The following TRPC5 variants were observed in gnomAD, a reference collection of about 807,000 sequenced individuals.
The protein encoded by TRPC5 is transient receptor potential cation channel subfamily C member 5.
A neutral mutation model predicts 56.5 loss-of-function variants in TRPC5; 9 were observed. The observed-to-expected ratio is 0.16, with a 90% confidence interval of 0.10 to 0.28. The LOEUF (loss-of-function observed/expected upper bound fraction) is 0.28. TRPC5 is among the 10% of genes least tolerant of loss of function. The pLI, the probability that TRPC5 is intolerant of heterozygous loss-of-function variation, is 1.00. For missense variants in TRPC5, 469 were observed against 748.9 expected (o/e 0.63, Z 4.36); for synonymous variants, 282 against 278.5 (o/e 1.01, Z -0.13).
At chrX:111,844,184 G>T (rs915145927) in intron 6 of TRPC5, among the ~76,000 whole-genome samples, 2 of 110,555 alleles carry the variant, frequency 1.8e-5, no homozygotes, top group African/African-American at 6.6e-5. Flanking sequence ...TATTTGAGGG[G>T]CCTGTGAAAC....
chrX:111,953,914 C>A (rs1603115461), intron 1 of TRPC5, among the ~76,000 whole-genome samples: 1 of 111,598 alleles, frequency 9.0e-6, no homozygotes, highest in African/African-American at 3.3e-5. Context: ...GCCCAAATGA[C>A]AAATTTCTCT....
chrX:111,919,753 C>T (rs1306587134), intron 2 of TRPC5, among the ~76,000 whole-genome samples: 1 of 111,544 alleles, frequency 9.0e-6, no homozygotes, highest in Non-Finnish European at 1.9e-5. Context: ...AGAAGAATTG[C>T]CTTGGGCCAC....
At chrX:111,925,262 C>T (rs939338891) in intron 2 of TRPC5, among the ~76,000 whole-genome samples, 4 of 112,365 alleles carry the variant, frequency 3.6e-5, no homozygotes, top group African/African-American at 1.3e-4. Context: ...ACTGGCTCAG[C>T]TCCATGGGCC....
chrX:111,813,939 TTCTTC>T (rs1340483262), intron 7 of TRPC5, among the ~76,000 whole-genome samples: 1 of 112,161 alleles, frequency 8.9e-6, no homozygotes, highest in Non-Finnish European at 1.9e-5. Flanking sequence ...TTGGATTGCT[TTCTTC>T]TCTTGGTAGA....
At chrX:111,919,356 G>A (rs776842582) in intron 2 of TRPC5, among the ~76,000 whole-genome samples, 88 of 111,838 alleles carry the variant, frequency 7.9e-4, no homozygotes, top group African/African-American at 2.5e-3. Context: ...CAACCCGCTC[G>A]GGTCCCCTTC....
chrX:111,885,199 C>T (rs745625544), intron 3 of TRPC5, among the ~76,000 whole-genome samples: 186 of 112,852 alleles, frequency 1.6e-3, no homozygotes, highest in African/African-American at 5.6e-3. Flanking sequence ...ATTGCCAGGA[C>T]CTAAGTCTAG....
intron 2 of TRPC5, among the ~76,000 whole-genome samples, chrX:111,931,634 G>T (rs778573986): frequency 6.5e-4 from 73 of 111,932 alleles, no homozygotes; most frequent in Non-Finnish European, 1.2e-3. Flanking sequence ...TGCTGACAAG[G>T]GTAGGCTCAG....
intron 3 of TRPC5, among the ~76,000 whole-genome samples, chrX:111,873,477 C>T (rs763213983): frequency 9.0e-5 from 10 of 111,494 alleles, no homozygotes; most frequent in African/African-American, 3.3e-4. Context: ...CAAACCTACA[C>T]GTGTGCCCTT....
chrX:111,959,497 A>G (rs1029927876), intron 1 of TRPC5, among the ~76,000 whole-genome samples: 3 of 112,102 alleles, frequency 2.7e-5, no homozygotes, highest in African/African-American at 9.7e-5. Context: ...GAAGGAATTG[A>G]AGAACAAAAA....
intron 2 of TRPC5, among the ~76,000 whole-genome samples, chrX:111,939,441 T>A (rs1926705977): frequency 9.0e-6 from 1 of 111,678 alleles, no homozygotes; most frequent in Non-Finnish European, 1.9e-5. Context: ...CTCTCCTCCA[T>A]TTTTCAGAAT....
At chrX:111,839,742 T>A (rs1459754306) in intron 6 of TRPC5, among the ~76,000 whole-genome samples, 1 of 111,094 alleles carries the variant, frequency 9.0e-6, no homozygotes, top group African/African-American at 3.3e-5. Flanking sequence ...TTAGAGAAAA[T>A]ATCTCACTCT....
At chrX:111,986,810 T>G (rs1191285959) in intron 1 of TRPC5, among the ~76,000 whole-genome samples, 2 of 111,699 alleles carry the variant, frequency 1.8e-5, no homozygotes, top group African/African-American at 6.5e-5. Flanking sequence ...TTAACTTTCA[T>G]TGTAATTCAG....
intron 1 of TRPC5, among the ~76,000 whole-genome samples, chrX:112,045,578 A>T (rs2147729947): frequency 8.9e-6 from 1 of 112,268 alleles, no homozygotes; most frequent in East Asian, 2.8e-4. Flanking sequence ...ATAACCAATG[A>T]AAGTTAAAAT....
intron 1 of TRPC5, among the ~76,000 whole-genome samples, chrX:111,995,398 T>G (rs1467313808): frequency 8.9e-6 from 1 of 112,016 alleles, no homozygotes; most frequent in Admixed American, 9.5e-5. Context: ...CACATCGATG[T>G]TCATCAGGTA....
At chrX:112,056,389 T>C (rs1930342490) in intron 1 of TRPC5, among the ~76,000 whole-genome samples, 1 of 112,497 alleles carries the variant, frequency 8.9e-6, no homozygotes, top group South Asian at 3.7e-4. Context: ...TTAAAAGAAA[T>C]GCATTTTAAA....
At chrX:111,865,804 C>G (rs1471028437) in intron 3 of TRPC5, among the ~76,000 whole-genome samples, 3 of 112,518 alleles carry the variant, frequency 2.7e-5, no homozygotes, top group Non-Finnish European at 3.8e-5. Flanking sequence ...GGAATACTCT[C>G]TTTCCAAATT....
At chrX:111,808,418 C>G (rs1454919521) in intron 7 of TRPC5, among the ~76,000 whole-genome samples, 1 of 110,833 alleles carries the variant, frequency 9.0e-6, no homozygotes, top group Non-Finnish European at 1.9e-5. Context: ...TTCCCCATGG[C>G]CACCACCACA....
chrX:111,768,030 ATACTT>A lies in TRPC5; in HGVS notation c.*8278_*8282del, dbSNP rs923387249. 1.7e-4 allele frequency among the ~76,000 whole-genome samples: 19 copies of A among 112,070 alleles called. No individual in the cohort carries two copies. Among genetic ancestry groups the A allele is most frequent in the South Asian group, 3.7e-4 (1 of 2,723 alleles). On this transcript the variant is annotated 3_prime_UTR_variant, in exon 11 of 11. Transcript: ENST00000262839. Reference sequence around the variant, plus strand: ...CACACATTTCAGGGGAAAAAAGTAAATACTTTATTTTGTTGATACTGAAGCTAAAA... The same window carrying A: ...CACACATTTCAGGGGAAAAAAGTAAATATTTTGTTGATACTGAAGCTAAAA...
At chrX:111,783,215 T>C (rs1945935007) in intron 7 of TRPC5, among the ~76,000 whole-genome samples, 1 of 112,233 alleles carries the variant, frequency 8.9e-6, no homozygotes, top group African/African-American at 3.2e-5. Context: ...TGAAGAACAT[T>C]TGGGTTATTT....
Sources: allele counts gnomAD v4.1 joint callset (sites outside exome capture counted in the v4.1 genomes callset), GRCh38; gene constraint gnomAD v4.1.1; transcripts MANE v1.5; gene names NCBI Gene and HGNC (gene_info 2026-07-23, HGNC 2026-07-21).